The following SETD1A variants were observed in gnomAD, a reference collection of about 807,000 sequenced individuals.
The protein encoded by SETD1A is histone-lysine N-methyltransferase SETD1A.
In SETD1A, 29 loss-of-function variants were observed where a neutral mutation model predicts 149.9. That is an observed-to-expected ratio of 0.19 (90% CI 0.14 to 0.26). SETD1A has a LOEUF of 0.26. Ranked by LOEUF, SETD1A falls within the 10% of genes least tolerant of loss-of-function variation. The pLI is 1.00. For synonymous variants in SETD1A, 1,141 were observed against 968.5 expected (o/e 1.18, Z -3.31); for missense variants, 2,109 against 2,353.1 (o/e 0.90, Z 2.15).
rs771094719 is a variant in SETD1A, at chr16:30,979,824, G to A, written c.4038G>A (p.Ala1346=). ...CCCCCGAGGTGGTGGTGGCTGAGGC[G>A]GAGGAGCCCAAGCCGCAGCAACTGC... ...LEAPEVVVAE[A]EEPKPQQLQQ... is the part of the protein sequence containing the mutation. Residue 1346 remains alanine (A), a synonymous_variant, in exon 14 of 19, where the codon GCG becomes GCA. Coordinates refer to ENST00000262519, the MANE Select transcript of SETD1A (RefSeq NM_014712.3). 14 of 1,556,664 alleles carry A rather than the reference G, an allele frequency of 9.0e-6. No homozygotes were observed. The highest frequency in any genetic ancestry group is 7.0e-5 in the East Asian group (3 of 42,642).
chr16:30,963,241 T>C (rs1403341523), intron 4 of SETD1A, among the ~76,000 whole-genome samples, 192 bp from the exon 5 acceptor site: 4 of 152,174 alleles, frequency 2.6e-5, no homozygotes. Context: ...TAAAATATGT[T>C]GTTTGTGGTA....
rs759936846 is a variant in SETD1A, at chr16:30,966,042, C to T, written c.2161C>T (p.Pro721Ser). ...GGAGGCCTTCCTCCCGTTTCCACCC[C>T]CGCAGGAGGCAGCCTACGGCTTGCC... ...FGEAFLPFPPPQEAAYGLPYA... is the reference protein window; with the variant it reads ...FGEAFLPFPPSQEAAYGLPYA... Residue 721 changes from proline (P) to serine (S), a missense_variant, in exon 8 of 19, where the codon CCG becomes TCG. By Grantham distance (74) the Pro-to-Ser change is moderately conservative. Around this residue, in one of 8 missense-constraint regions of SETD1A, gnomAD observed 431 missense variants for 388.6 expected, o/e 1.11. Transcript: ENST00000262519. 6 of 1,568,218 alleles carry T rather than the reference C, an allele frequency of 3.8e-6. No homozygotes were observed. Among genetic ancestry groups the T allele is most frequent in the East Asian group, 2.2e-5 (1 of 44,486 alleles).
rs867870675 is a variant in SETD1A, at chr16:30,984,206, C to T, written c.*183C>T. The T allele has an allele frequency of 3.8e-5, 22 of 586,594 alleles. No individual in the cohort carries two copies. Among genetic ancestry groups the T allele is most frequent in the African/African-American group, 3.7e-4 (20 of 53,580 alleles). 36.3% of individuals were successfully genotyped at this position (586,594 alleles called of 1,614,324 possible). On this transcript the variant is annotated 3_prime_UTR_variant, in exon 19 of 19. Transcript: ENST00000262519. ...TGGAGGCAGCTTCTGCCTCTCCTGT[C>T]ACCCCTGCCCACCACCCCCTGATTG...
chr16:30,979,208 C>A lies in SETD1A; in HGVS notation c.3422C>A (p.Pro1141Gln). 1.3e-6 allele frequency: 2 copies of A among 1,581,678 alleles called. No individual in the cohort carries two copies. Among genetic ancestry groups the A allele is most frequent in the Non-Finnish European group, 1.7e-6 (2 of 1,161,646 alleles). Residue 1141 changes from proline (P) to glutamine (Q), a missense_variant, in exon 14 of 19, where the codon CCG becomes CAG. Pro to Gln is a moderately conservative substitution (Grantham distance 76, BLOSUM62 -1). Coordinates refer to ENST00000262519, the MANE Select transcript of SETD1A (RefSeq NM_014712.3). ...CCCCCAGAACCACCTGCTGGGCCCC[C>A]GGCCCCTGCCCCACGCCCCGATGAG... is the stretch of plus-strand genomic sequence containing the variant. Reference protein sequence around the residue: ...LRPPEPPAGPPAPAPRPDERP... With the variant: ...LRPPEPPAGPQAPAPRPDERP...
Position 30,984,140 on chromosome 16 carries a change from G to A in SETD1A, c.*117G>A. ...CCCACATGCCCCCATCTCCAAGCGTGGGGTTGGGGGCCCCAAGCCCAGCGA... is the reference window on the plus strand; with the variant it reads ...CCCACATGCCCCCATCTCCAAGCGTAGGGTTGGGGGCCCCAAGCCCAGCGA... On this transcript the variant is annotated 3_prime_UTR_variant, in exon 19 of 19. Transcript: ENST00000262519. 9.7e-7 allele frequency: 1 copy of A among 1,029,754 alleles called. No homozygotes were observed. The highest frequency in any genetic ancestry group is 1.4e-6 in the Non-Finnish European group (1 of 731,298). 63.8% of individuals were successfully genotyped at this position (1,029,754 alleles called of 1,614,324 possible).
intron 13 of SETD1A, among the ~76,000 whole-genome samples, chr16:30,977,229 C>T (rs1375759713): frequency 6.6e-6 from 1 of 152,192 alleles, no homozygotes; most frequent in Non-Finnish European, 1.5e-5. Flanking sequence ...CAGGCGTGAG[C>T]CCCCTCGCCC....
chr16:30,970,179 G>C (rs2056207281), intron 12 of SETD1A, among the ~76,000 whole-genome samples: 1 of 151,656 alleles, frequency 6.6e-6, no homozygotes, highest in South Asian at 2.1e-4. Context: ...ATGTTGGCCA[G>C]ACTGGTCTTG....
intron 5 of SETD1A, among the ~76,000 whole-genome samples, 193 bp downstream of exon 5, chr16:30,963,747 C>T (rs1434611844): frequency 6.6e-6 from 1 of 152,238 alleles, no homozygotes; most frequent in Non-Finnish European, 1.5e-5. Flanking sequence ...AATCCCAGCA[C>T]TTTGGGAGGC....
intron 1 of SETD1A, among the ~76,000 whole-genome samples, 181 bp downstream of exon 1, chr16:30,958,145 C>T (rs2055989539): frequency 1.4e-5 from 2 of 145,804 alleles, no homozygotes; most frequent in Admixed American, 6.8e-5. Context: ...CCGCGCGGCG[C>T]GCGTGCGCGG....
chr16:30,967,692 G>T, intron 10 of SETD1A, 104 bp downstream of exon 10: 1 of 886,530 alleles, frequency 1.1e-6, no homozygotes. Context: ...GGCACAGCCA[G>T]GTGGAGGTGC....
At chr16:30,966,773 T>G in intron 8 of SETD1A, 111 bp from the exon 9 acceptor site, 1 of 1,248,476 alleles carries the variant, frequency 8.0e-7, no homozygotes, top group Non-Finnish European at 1.1e-6. Flanking sequence ...GACCAAGATA[T>G]GGAGCAGCAA....
Position 30,959,156 on chromosome 16 carries a change from A to G in SETD1A, c.216A>G (p.Arg72=). The part of the protein sequence containing the change: ...DPRCHVRSKN[R]DFSLPVPKFK... ...GTTGCCATGTCAGGTCCAAAAACAG[A>G]GACTTTTCCCTCCCAGTCCCTAAGT... The change falls in exon 3 of 19, where the codon AGA becomes AGG. Residue 72 remains arginine (R), a synonymous_variant. Transcript: ENST00000262519. 1 of 1,613,490 alleles carries G rather than the reference A, an allele frequency of 6.2e-7. No individual in the cohort carries two copies.
Position 30,979,399 on chromosome 16 carries a change from C to G in SETD1A, c.3613C>G (p.Arg1205Gly), listed in dbSNP as rs775350343. Residue 1205 changes from arginine (R) to glycine (G), a missense_variant, in exon 14 of 19, where the codon CGG (arginine) becomes GGG (glycine). Physicochemically the swap from Arg to Gly is moderately radical, Grantham distance 125. Around this residue, in one of 8 missense-constraint regions of SETD1A, gnomAD observed 832 missense variants for 815.6 expected, o/e 1.02. Coordinates refer to ENST00000262519, the MANE Select transcript of SETD1A (RefSeq NM_014712.3). Reference sequence around the variant, plus strand: ...CCGCAAGGCTCCCCGGGGCGTGGAGCGGACCATCCGCAACCTGCCCCTGGA... The same window carrying G: ...CCGCAAGGCTCCCCGGGGCGTGGAGGGGACCATCCGCAACCTGCCCCTGGA... ...ASRKAPRGVE[R>G]TIRNLPLDHA... The G allele has an allele frequency of 6.2e-6, 10 of 1,611,176 alleles. No individual in the cohort carries two copies. Among genetic ancestry groups the G allele is most frequent in the Non-Finnish European group, 6.8e-6 (8 of 1,179,140 alleles).
In SETD1A at chr16:30,979,032, G is replaced by C. The variant is rs1281056870; in HGVS notation, c.3359-113G>C. 9 of 1,088,224 alleles carry C rather than the reference G, an allele frequency of 8.3e-6. No homozygotes were observed. In the African/African-American group the frequency reaches 1.1e-4, roughly 14 times the overall value. 67.4% of individuals were successfully genotyped at this position (1,088,224 alleles called of 1,614,324 possible). ...AGGCCAGGGCGTCTGTGTTCCCTCC[G>C]GGGTTCCTGGGCGGAAGTGGGGGAG... On this transcript the variant is annotated intron_variant, in intron 13 of 18. Coordinates refer to ENST00000262519, the MANE Select transcript of SETD1A (RefSeq NM_014712.3).
At chr16:30,967,120 T>G in intron 9 of SETD1A, 60 bp downstream of exon 9, 1 of 1,298,200 alleles carries the variant, frequency 7.7e-7, no homozygotes, top group Non-Finnish European at 1.1e-6. Flanking sequence ...GCCCCCTTCC[T>G]TGGGGTAGGG....
Position 30,966,068 on chromosome 16 carries a change from G to A in SETD1A, c.2187G>A (p.Pro729=), listed in dbSNP as rs772460629. 7.3e-5 allele frequency: 115 copies of A among 1,581,544 alleles called. No homozygotes were observed. The highest frequency in any genetic ancestry group is 4.9e-4 in the Admixed American group (28 of 56,998). Residue 729 remains proline (P), a synonymous_variant, in exon 8 of 19, where the codon CCG becomes CCA. Coordinates refer to ENST00000262519, the MANE Select transcript of SETD1A (RefSeq NM_014712.3). ...CGCAGGAGGCAGCCTACGGCTTGCC[G>A]TATGCTCTATATGCACAGGGGCAGG... is the stretch of plus-strand genomic sequence containing the variant. The part of the protein sequence containing the change: ...PPPQEAAYGL[P]YALYAQGQEG...
chr16:30,959,314 G>T (rs2056013719), intron 3 of SETD1A, 128 bp downstream of exon 3: 2 of 708,032 alleles, frequency 2.8e-6, no homozygotes, highest in Admixed American at 4.5e-5. Flanking sequence ...CTCTGAGGCT[G>T]TGAGACTCAG....
At position 30,980,495 on chromosome 16, in the gene SETD1A, G is replaced by A. The variant is rs1450085392; in HGVS notation, c.4419G>A (p.Leu1473=). Residue 1473 remains leucine (L), a synonymous_variant, in exon 15 of 19, where the codon CTG becomes CTA. Coordinates refer to ENST00000262519, the MANE Select transcript of SETD1A (RefSeq NM_014712.3). This position sits in a 1 kb window ranked among gnomAD's most constrained non-coding sequence, Gnocchi z 7.7. ...CTTAACACCCTGCACTCACCAACCT[G>A]ACCACCCCAAAACGCAAGCGGCGGC... ...THWVHHTITN[L]TTPKRKRRPQ... 1.2e-6 allele frequency: 2 copies of A among 1,613,336 alleles called. No homozygotes were observed. Among genetic ancestry groups the A allele is most frequent in the African/African-American group, 2.7e-5 (2 of 74,916 alleles).
chr16:30,965,070 G>A lies in SETD1A; in HGVS notation c.1328G>A (p.Gly443Asp), dbSNP rs757459642. The A allele has an allele frequency of 6.2e-7, 1 of 1,611,574 alleles. No individual in the cohort carries two copies. Among genetic ancestry groups the A allele is most frequent in the African/African-American group, 1.3e-5 (1 of 75,000 alleles). ...PPPEPPEPGGGGGGGGPSPER... is the reference protein window; with the variant it reads ...PPPEPPEPGGDGGGGGPSPER... ...CCGGAGCCTCCAGAACCTGGTGGAG[G>A]CGGGGGTGGAGGAGGGCCCAGCCCT... The change falls in exon 7 of 19, where the codon GGC (glycine) becomes GAC (aspartate). Residue 443 changes from glycine (G) to aspartate (D), a missense_variant. Around this residue, in one of 8 missense-constraint regions of SETD1A, gnomAD observed 410 missense variants for 394.8 expected, o/e 1.04. Transcript: ENST00000262519.
Sources: allele counts gnomAD v4.1 joint callset (sites outside exome capture counted in the v4.1 genomes callset), GRCh38; gene constraint gnomAD v4.1.1; regional missense constraint gnomAD v4.1.1; non-coding constraint Gnocchi (gnomAD v3.1); transcripts MANE v1.5; gene names NCBI Gene and HGNC (gene_info 2026-07-23, HGNC 2026-07-21).